RAD51B: variants seen among roughly 807,000 people sequenced by gnomAD.
The protein encoded by RAD51B is DNA repair protein RAD51 homolog 2.
A neutral mutation model predicts 42.2 loss-of-function variants in RAD51B; 38 were observed. The observed-to-expected ratio is 0.90, with a 90% CI of 0.70 to 1.18. RAD51B has a LOEUF of 1.18. Among genes scored for constraint, RAD51B ranks in the 50% most tolerant of loss-of-function variants. The pLI is 0.00. For missense variants in RAD51B, 373 were observed against 400.7 expected (o/e 0.93, Z 0.59); for synonymous variants, 154 against 145.2 (o/e 1.06, Z -0.43).
downstream of RAD51B, among the ~76,000 whole-genome samples, chr14:68,596,376 G>T (rs990662537): frequency 2.0e-5 from 3 of 152,092 alleles, no homozygotes; most frequent in Non-Finnish European, 4.4e-5. Context: ...TTTCAACCAT[G>T]GGGGTGATTC....
intron 7 of RAD51B, among the ~76,000 whole-genome samples, chr14:68,240,572 C>A (rs1465058644): frequency 6.6e-6 from 1 of 152,150 alleles, no homozygotes; most frequent in Non-Finnish European, 1.5e-5. Context: ...ATAAAGCGTC[C>A]AGAGTACAAA....
intron 7 of RAD51B, among the ~76,000 whole-genome samples, chr14:68,039,709 T>C (rs1307531737): frequency 6.6e-6 from 1 of 152,242 alleles, no homozygotes; most frequent in East Asian, 1.9e-4. Context: ...GCTACATACA[T>C]CAGGAAGCCT....
intron 8 of RAD51B, among the ~76,000 whole-genome samples, chr14:68,359,050 G>A (rs1022802778): frequency 6.6e-6 from 1 of 152,068 alleles, no homozygotes; most frequent in African/African-American, 2.4e-5. Context: ...CTGCCACAGT[G>A]GAGCACACCC....
At chr14:67,883,857 A>C (rs2042989087) in intron 5 of RAD51B, among the ~76,000 whole-genome samples, 1 of 152,162 alleles carries the variant, frequency 6.6e-6, no homozygotes, top group Non-Finnish European at 1.5e-5. Flanking sequence ...GTCCTCAATA[A>C]ATATTTGTTG....
chr14:68,614,951 C>A (rs181912471), downstream of RAD51B, among the ~76,000 whole-genome samples: 75 of 152,336 alleles, frequency 4.9e-4, no homozygotes, highest in African/African-American at 1.7e-3. Context: ...CAGCTCACTG[C>A]AACCTCCGCC....
chr14:68,240,989 GC>G (rs2080372384), intron 7 of RAD51B, among the ~76,000 whole-genome samples: 1 of 152,180 alleles, frequency 6.6e-6, no homozygotes, highest in Non-Finnish European at 1.5e-5. Flanking sequence ...TACCATCTGT[GC>G]TTGTTTATCG....
At chr14:68,022,005 T>C (rs144641411) in intron 7 of RAD51B, among the ~76,000 whole-genome samples, 99 of 152,304 alleles carry the variant, frequency 6.5e-4, no homozygotes, top group African/African-American at 2.2e-3. Flanking sequence ...AGTTTGTTGA[T>C]TGACTCTTGA....
intron 7 of RAD51B, among the ~76,000 whole-genome samples, chr14:67,974,933 A>G (rs1418003296): frequency 6.6e-6 from 1 of 152,026 alleles, no homozygotes; most frequent in African/African-American, 2.4e-5. Context: ...CTAATCTACT[A>G]TTTATTTTTG....
intron 9 of RAD51B, among the ~76,000 whole-genome samples, chr14:68,450,141 G>T (rs1331630100): frequency 6.6e-6 from 1 of 150,410 alleles, no homozygotes; most frequent in Non-Finnish European, 1.5e-5. Context: ...TGCCTGGTAG[G>T]CGGATAGGAG....
chr14:68,103,707 T>C lies in RAD51B; in HGVS notation c.757-188177T>C, dbSNP rs2077329585. ...GGATAGACTGAATAAGAACATGTCC[T>C]ACCCGCAAGGACAAAGGAGAAGAAA... On this transcript the variant is annotated intron_variant, in intron 7 of 10. Coordinates refer to ENST00000471583, the MANE Select transcript of RAD51B (RefSeq NM_133510.4). Among the ~76,000 whole-genome samples the C allele has an allele frequency of 2.0e-5, 3 of 152,176 alleles. No homozygotes were observed. The South Asian group carries it at 6.2e-4, about 32-fold the overall frequency.
intron 10 of RAD51B, among the ~76,000 whole-genome samples, chr14:68,534,077 T>G (rs567104740): frequency 2.0e-5 from 3 of 152,308 alleles, no homozygotes; most frequent in African/African-American, 7.2e-5. Context: ...CAAGTGAGCT[T>G]AACTGAGTGG....
At chr14:67,902,500 G>T (rs1052955729) in intron 7 of RAD51B, among the ~76,000 whole-genome samples, 2 of 152,112 alleles carry the variant, frequency 1.3e-5, no homozygotes, top group Non-Finnish European at 2.9e-5. Context: ...TAAAATAAAA[G>T]TTTTGGAATG....
chr14:68,076,051 C>T (rs2076828933), intron 7 of RAD51B, among the ~76,000 whole-genome samples: 1 of 152,202 alleles, frequency 6.6e-6, no homozygotes, highest in Admixed American at 6.5e-5. Flanking sequence ...TTTCTACAGA[C>T]TAATGAAAAT....
At chr14:68,674,200 C>T (rs1363313185) in intron 11 of RAD51B, among the ~76,000 whole-genome samples, 1 of 152,048 alleles carries the variant, frequency 6.6e-6, no homozygotes, top group Non-Finnish European at 1.5e-5. Flanking sequence ...CACATACACA[C>T]ATATACATAC....
intron 7 of RAD51B, among the ~76,000 whole-genome samples, chr14:68,074,076 G>T (rs564889428): frequency 6.6e-6 from 1 of 152,250 alleles, no homozygotes; most frequent in South Asian, 2.1e-4. Flanking sequence ...AACCTCTCTA[G>T]TGAGGTTGGG....
chr14:67,983,180 C>T (rs1472839326), intron 7 of RAD51B, among the ~76,000 whole-genome samples: 1 of 152,096 alleles, frequency 6.6e-6, no homozygotes, highest in Non-Finnish European at 1.5e-5. Context: ...GACTTAGAAC[C>T]AAGTGATATA....
intron 10 of RAD51B, among the ~76,000 whole-genome samples, chr14:68,505,799 C>T (rs916007150): frequency 1.4e-4 from 21 of 152,240 alleles, no homozygotes; most frequent in South Asian, 2.1e-4. Context: ...GAAATCCGCC[C>T]GCCTCGGCCT....
At chr14:67,882,846 G>C (rs1471293503) in intron 5 of RAD51B, among the ~76,000 whole-genome samples, 1 of 152,006 alleles carries the variant, frequency 6.6e-6, no homozygotes, top group Non-Finnish European at 1.5e-5. Flanking sequence ...CCAGATTCAA[G>C]CGATTCTCTT....
At chr14:68,294,931 G>C (rs2081584827) in intron 8 of RAD51B, among the ~76,000 whole-genome samples, 1 of 152,156 alleles carries the variant, frequency 6.6e-6, no homozygotes, top group Non-Finnish European at 1.5e-5. Context: ...TACAAAATCA[G>C]AAGTGTGTGC....
Sources: allele counts gnomAD v4.1 joint callset (sites outside exome capture counted in the v4.1 genomes callset), GRCh38; gene constraint gnomAD v4.1.1; transcripts MANE v1.5; gene names NCBI Gene and HGNC (gene_info 2026-07-23, HGNC 2026-07-21).